The following TBX6 variants were observed in gnomAD, a reference collection of about 807,000 sequenced individuals.
TBX6 encodes the protein T-box transcription factor TBX6.
A neutral mutation model predicts 42.3 loss-of-function variants in TBX6; 29 were observed. The ratio of observed to expected loss-of-function variants is 0.69; its 90% CI spans 0.51 to 0.93. The LOEUF (loss-of-function observed/expected upper bound fraction) is 0.93, where lower values mean the gene tolerates loss of function less well. Among genes scored for constraint, TBX6 ranks in the 40% least tolerant of loss-of-function variants. TBX6 has a pLI of 0.00. For synonymous variants in TBX6, 249 were observed against 245.1 expected, an observed-to-expected ratio of 1.02 and a Z score of -0.15; for missense variants, 569 against 603.3, an observed-to-expected ratio of 0.94 and a Z score of 0.59.
rs113027037 is a variant in TBX6 at position 30,088,472 on chromosome 16, C to T, written c.839+73G>A. On this transcript the variant is annotated intron_variant, in intron 6 of 8. Transcript: ENST00000395224. This position sits in a 1 kb window ranked among gnomAD's most constrained non-coding sequence, Gnocchi z 4.1. The stretch of plus-strand genomic sequence containing the variant: ...ACCACTGCATTTCTGATGTCCAGCA[C>T]GGTGCCTGGCACACAGTGAGTGATT... The T allele has an allele frequency of 4.7e-5, 75 of 1,599,256 alleles. 1 individual carries two copies. The Middle Eastern group carries it at 6.6e-4, about 14-fold the overall frequency.
chr16:30,085,864 G>A lies in TBX6; in HGVS notation c.*361C>T. ...TGGTCCCAGAACAACAGACTGGTGT[G>A]GCCTGCACCAGTGTGTGTGGGGGGG... On this transcript the variant is annotated 3_prime_UTR_variant, in exon 9 of 9. Transcript: ENST00000395224. 1 of 314,482 alleles carries A rather than the reference G, an allele frequency of 3.2e-6. No homozygotes were observed. The highest frequency in any genetic ancestry group is 5.9e-6 in the Non-Finnish European group (1 of 169,012). 19.5% of individuals were successfully genotyped at this position (314,482 alleles called of 1,614,324 possible). A position where few individuals can be genotyped will look rare whatever the true frequency, so the allele number is the denominator to read the frequency against.
At position 30,089,229 on chromosome 16, in the gene TBX6, A is replaced by G. The variant is rs748034685; in HGVS notation, c.354-19T>C. 3 of 1,605,782 alleles carry G rather than the reference A, an allele frequency of 1.9e-6. No homozygotes were observed. The highest frequency in any genetic ancestry group is 2.2e-5 in the South Asian group (2 of 90,572). ...CATGCGCCTGTGCAAGGGAGGGGAC[A>G]GGAGAGGCCTGGAGCTACCCACTGG... On this transcript the variant is annotated intron_variant, in intron 3 of 8. Coordinates refer to ENST00000395224, the MANE Select transcript of TBX6 (RefSeq NM_004608.4).
chr16:30,086,345 C>G lies in TBX6; in HGVS notation c.1191G>C (p.Gly397=), dbSNP rs201181768. The change falls in exon 9 of 9, where the codon GGG becomes GGC. Residue 397 remains glycine (G), a synonymous_variant. Transcript: ENST00000395224. The surrounding 1 kb of genome is among the most constrained non-coding windows in gnomAD (Gnocchi z 4.6). ...GTACCGCCGGTGGAGCCGCTGGGTA[C>G]CCGGAGCCCCCTGACCCGTGCGGCA... ...LELPHGSGGS[G]YPAAPPAVPF... is the part of the protein sequence containing the mutation. The G allele has an allele frequency of 8.1e-6, 13 of 1,601,692 alleles. No homozygotes were observed. In the African/African-American group the frequency reaches 1.6e-4, roughly 20 times the overall value.
In TBX6 at chr16:30,090,852, A is replaced by G. The variant is rs745445184; in HGVS notation, c.259T>C (p.Ser87Pro). Residue 87 changes from serine to proline, a missense_variant, in exon 3 of 9, where the codon TCC becomes CCC. This residue lies in a region of TBX6 where 134 missense variants were observed against 125.3 expected (regional missense o/e 1.07). Coordinates refer to ENST00000395224, the MANE Select transcript of TBX6 (RefSeq NM_004608.4). Reference sequence around the variant, plus strand: ...AGGCTCAGGCTGACCCCCGGGAGGGAATGGAGGGCCTCTGGAGCTGATGGG... The same window carrying G: ...AGGCTCAGGCTGACCCCCGGGAGGGGATGGAGGGCCTCTGGAGCTGATGGG... ...PAPSAPEALHSLPGVSLSLEN... is the reference protein window; with the variant it reads ...PAPSAPEALHPLPGVSLSLEN... 2 of 1,605,388 alleles carry G rather than the reference A, an allele frequency of 1.2e-6. No individual in the cohort carries two copies. Among genetic ancestry groups the G allele is most frequent in the Admixed American group, 3.4e-5 (2 of 59,152 alleles).
In TBX6 at chr16:30,091,281, T is replaced by G. The variant is rs930816288; in HGVS notation, c.-48-40A>C. On this transcript the variant is annotated intron_variant, in intron 1 of 8. Coordinates refer to ENST00000395224, the MANE Select transcript of TBX6 (RefSeq NM_004608.4). ...CTTTATAGCTCACAGCTCAGCCCCT[T>G]CCAGATCCAGGATCACAGCCCCTCC... is the stretch of plus-strand genomic sequence containing the variant. The G allele has an allele frequency of 9.0e-6, 10 of 1,107,376 alleles. No individual in the cohort carries two copies. The African/African-American group carries it at 1.3e-4, about 14-fold the overall frequency. 68.6% of individuals were successfully genotyped at this position (1,107,376 alleles called of 1,614,324 possible). A position where few individuals can be genotyped will look rare whatever the true frequency, so the allele number is the denominator to read the frequency against.
Position 30,086,622 on chromosome 16 carries a change from G to A in TBX6, c.987C>T (p.Ala329=). The A allele has an allele frequency of 1.9e-6, 3 of 1,598,258 alleles. No homozygotes were observed. The highest frequency in any genetic ancestry group is 2.6e-6 in the Non-Finnish European group (3 of 1,174,384). ...CCGGGGCAGCGGTGGCTTCCCCGGGGGCTGGGGCCTGTTCTGGATCTGATT... is the reference window on the plus strand; with the variant it reads ...CCGGGGCAGCGGTGGCTTCCCCGGGAGCTGGGGCCTGTTCTGGATCTGATT... ...IRESDPEQAP[A]PGEATAAPAP... The change falls in exon 8 of 9, where the codon GCC becomes GCT. Residue 329 remains alanine (A), a synonymous_variant. Transcript: ENST00000395224. The surrounding 1 kb of genome is among the most constrained non-coding windows in gnomAD (Gnocchi z 4.6).
chr16:30,086,196 TG>T lies in TBX6; in HGVS notation c.*28del. 6.2e-7 allele frequency: 1 copy of T among 1,603,070 alleles called. No individual in the cohort carries two copies. ...CTGGGGGAAGGGAGCGGGAGGTTTG[TG>T]ATGGAGGCAGAGGGGCCCAGCAGTG... On this transcript the variant is annotated 3_prime_UTR_variant, in exon 9 of 9. Transcript: ENST00000395224. This position sits in a 1 kb window ranked among gnomAD's most constrained non-coding sequence, Gnocchi z 4.6.
rs1464239315 is a variant in TBX6 at position 30,086,331 on chromosome 16, G to A, written c.1205C>T (p.Pro402Leu). ...GSGGSGYPAA[P>L]PAVPFAPHFL... Reference sequence around the variant, plus strand: ...GTGCGGGGCAAAGGGTACCGCCGGTGGAGCCGCTGGGTACCCGGAGCCCCC... The same window carrying A: ...GTGCGGGGCAAAGGGTACCGCCGGTAGAGCCGCTGGGTACCCGGAGCCCCC... Residue 402 changes from proline to leucine, a missense_variant, in exon 9 of 9, where the codon CCA (proline) becomes CTA (leucine). Pro to Leu is a moderately conservative substitution (Grantham distance 98). Around this residue, in one of 3 missense-constraint regions of TBX6, gnomAD observed 245 missense variants for 227.4 expected, o/e 1.08. Transcript: ENST00000395224. This position sits in a 1 kb window ranked among gnomAD's most constrained non-coding sequence, Gnocchi z 4.6. 2 of 1,605,646 alleles carry A rather than the reference G, an allele frequency of 1.2e-6. No individual in the cohort carries two copies. The highest frequency in any genetic ancestry group is 1.7e-6 in the Non-Finnish European group (2 of 1,177,572).
At position 30,086,605 on chromosome 16, in the gene TBX6, G is replaced by A. The variant is rs2072634784; in HGVS notation, c.1004C>T (p.Ala335Val). The change falls in exon 8 of 9, where the codon GCT becomes GTT. Residue 335 changes from alanine (A) to valine (V), a missense_variant. Ala to Val is a moderately conservative substitution (Grantham distance 64). Transcript: ENST00000395224. The surrounding 1 kb of genome is among the most constrained non-coding windows in gnomAD (Gnocchi z 4.6). ...EQAPAPGEAT[A>V]APAPLCGGPS... ...GCCACCACACAGAGGTGCCGGGGCA[G>A]CGGTGGCTTCCCCGGGGGCTGGGGC... 1 of 1,586,944 alleles carries A rather than the reference G, an allele frequency of 6.3e-7. No individual in the cohort carries two copies. Among genetic ancestry groups the A allele is most frequent in the Non-Finnish European group, 8.5e-7 (1 of 1,169,900 alleles).
At position 30,085,973 on chromosome 16, in the gene TBX6, C is replaced by G. The variant is rs2072619145; in HGVS notation, c.*252G>C. The G allele has an allele frequency of 3.4e-5, 17 of 505,538 alleles. No individual in the cohort carries two copies. In the South Asian group the frequency reaches 4.2e-4, roughly 12 times the overall value. The allele number at this position is 505,538 out of a possible 1,614,324, so 31.3% of individuals were successfully genotyped here. A position where few individuals can be genotyped will look rare whatever the true frequency, so the allele number is the denominator to read the frequency against. ...GTGGCCCCATTTGGCCAGGCAGAGC[C>G]CCTTCCATTCACACGGAGGTGAGAG... On this transcript the variant is annotated 3_prime_UTR_variant, in exon 9 of 9. Coordinates refer to ENST00000395224, the MANE Select transcript of TBX6 (RefSeq NM_004608.4).
In TBX6 at chr16:30,088,673, C is replaced by G; in HGVS notation, c.768+20G>C. ...CGGTCTGGGCAGGGGGCCACCACCC[C>G]CTCAAGCAGGGTCACTCACCTGTGG... On this transcript the variant is annotated intron_variant, in intron 5 of 8. Coordinates refer to ENST00000395224, the MANE Select transcript of TBX6 (RefSeq NM_004608.4). The surrounding 1 kb of genome is among the most constrained non-coding windows in gnomAD (Gnocchi z 4.1). The G allele has an allele frequency of 6.2e-7, 1 of 1,614,086 alleles. No homozygotes were observed. The highest frequency in any genetic ancestry group is 8.5e-7 in the Non-Finnish European group (1 of 1,180,014).
intron 6 of TBX6, among the ~76,000 whole-genome samples, chr16:30,087,758 G>A (rs554308678): frequency 2.6e-5 from 4 of 152,142 alleles, no homozygotes; most frequent in Non-Finnish European, 5.9e-5. Flanking sequence ...ATGCCCACCT[G>A]GCTCCCTCCC....
In TBX6 at chr16:30,088,793, A is replaced by G. The variant is rs1343666321; in HGVS notation, c.668T>C (p.Val223Ala). 6.2e-7 allele frequency: 1 copy of G among 1,614,114 alleles called. No individual in the cohort carries two copies. The highest frequency in any genetic ancestry group is 2.2e-5 in the East Asian group (1 of 44,868). Residue 223 changes from valine (V) to alanine (A), a missense_variant, in exon 5 of 9, where the codon GTT becomes GCT. By Grantham distance (64) the Val-to-Ala change is moderately conservative. Coordinates refer to ENST00000395224, the MANE Select transcript of TBX6 (RefSeq NM_004608.4). This position sits in a 1 kb window ranked among gnomAD's most constrained non-coding sequence, Gnocchi z 4.1. ...CTGGCTGCAGAGCTGGGCTGCCCGA[A>G]CTAGGTGTATGCGGGGTTGGTACTT... is the stretch of plus-strand genomic sequence containing the variant. ...MHKYQPRIHLVRAAQLCSQHW... is the reference protein window; with the variant it reads ...MHKYQPRIHLARAAQLCSQHW...
chr16:30,087,266 C>T (rs961765462), intron 6 of TBX6, among the ~76,000 whole-genome samples: 5 of 152,008 alleles, frequency 3.3e-5, no homozygotes, highest in African/African-American at 1.2e-4. Flanking sequence ...CTATGTTGCC[C>T]AGGCTGGAGT....
Position 30,086,320 on chromosome 16 carries a change from G to C in TBX6, c.1216C>G (p.Pro406Ala), listed in dbSNP as rs773286149. 1 of 1,607,904 alleles carries C rather than the reference G, an allele frequency of 6.2e-7. No individual in the cohort carries two copies. Among genetic ancestry groups the C allele is most frequent in the Non-Finnish European group, 8.5e-7 (1 of 1,178,224 alleles). Residue 406 changes from proline to alanine, a missense_variant, in exon 9 of 9, where the codon CCC becomes GCC. Coordinates refer to ENST00000395224, the MANE Select transcript of TBX6 (RefSeq NM_004608.4). This position sits in a 1 kb window ranked among gnomAD's most constrained non-coding sequence, Gnocchi z 4.6. ...SGYPAAPPAV[P>A]FAPHFLQGGP... The stretch of plus-strand genomic sequence containing the variant: ...CCTTGGAGAAAGTGCGGGGCAAAGG[G>C]TACCGCCGGTGGAGCCGCTGGGTAC...
Position 30,086,747 on chromosome 16 carries a change from C to T in TBX6, c.913+31G>A, listed in dbSNP as rs746420188. 1.9e-6 allele frequency: 3 copies of T among 1,613,662 alleles called. No individual in the cohort carries two copies. Among genetic ancestry groups the T allele is most frequent in the Non-Finnish European group, 2.5e-6 (3 of 1,179,806 alleles). ...GCTAGGGAGGATCCCTGTCTCAGGC[C>T]TGGCCCCATCGCCATCGGGACTACA... On this transcript the variant is annotated intron_variant, in intron 7 of 8. Transcript: ENST00000395224. The surrounding 1 kb of genome is among the most constrained non-coding windows in gnomAD (Gnocchi z 4.6).
rs773096549 is a variant in TBX6, at chr16:30,091,083, G to T, written c.111C>A (p.Arg37=). The T allele has an allele frequency of 6.3e-7, 1 of 1,584,468 alleles. No homozygotes were observed. Among genetic ancestry groups the T allele is most frequent in the East Asian group, 2.3e-5 (1 of 43,888 alleles). The part of the protein sequence containing the change: ...SFPPALAEGY[R]YPELDTPKLD... ...GCTGGTCCCAACGCTCACCGGGGTA[G>T]CGGTAGCCCTCCGCTAGGGCGGGTG... The change falls in exon 2 of 9, where the codon CGC becomes CGA. Residue 37 remains arginine (R), a synonymous_variant. Transcript: ENST00000395224.
At chr16:30,089,694 A>T (rs2072692857) in intron 3 of TBX6, among the ~76,000 whole-genome samples, 1 of 152,006 alleles carries the variant, frequency 6.6e-6, no homozygotes, top group Non-Finnish European at 1.5e-5. Flanking sequence ...CACTTTAGGA[A>T]GCCGAGGTGG....
intron 2 of TBX6, 25 bp from the exon 3 acceptor site, chr16:30,091,017 G>C (rs1278536452): frequency 6.2e-7 from 1 of 1,603,000 alleles, no homozygotes; most frequent in East Asian, 2.2e-5. Flanking sequence ...AGAATGAGGA[G>C]CCAGCCGAGG....
Sources: allele counts gnomAD v4.1 joint callset (sites outside exome capture counted in the v4.1 genomes callset), GRCh38; gene constraint gnomAD v4.1.1; regional missense constraint gnomAD v4.1.1; non-coding constraint Gnocchi (gnomAD v3.1); transcripts MANE v1.5; gene names NCBI Gene and HGNC (gene_info 2026-07-23, HGNC 2026-07-21).